Variants in PTK2 observed in about 807,000 individuals in gnomAD.
The protein encoded by PTK2 is protein tyrosine kinase 2.
PTK2 carries 45 observed loss-of-function variants against 150.1 expected under a neutral mutation model. The ratio of observed to expected loss-of-function variants is 0.30; its 90% CI spans 0.24 to 0.38. PTK2 has a LOEUF of 0.38. Ranked by LOEUF, PTK2 falls within the 10% of genes least tolerant of loss-of-function variation. PTK2 has a pLI of 1.00. For missense variants in PTK2, 919 were observed against 1,307.3 expected (o/e 0.70, Z 4.58); for synonymous variants, 432 against 449.2 (o/e 0.96, Z 0.48).
intron 4 of PTK2, among the ~76,000 whole-genome samples, chr8:140,872,072 T>C (rs2100142864): frequency 1.3e-5 from 2 of 152,072 alleles, no homozygotes; most frequent in African/African-American, 2.4e-5. Flanking sequence ...CCAGGTGTTG[T>C]GGCGTAAGGA....
chr8:140,676,392 T>TAATTAATTAATTAATTAATTAATA (rs2100013681), intron 27 of PTK2, among the ~76,000 whole-genome samples: 1 of 51,256 alleles, frequency 2.0e-5, no homozygotes, highest in African/African-American at 1.0e-4. Context: ...ATTAATTAAT[T>TAATTAATTAATTAATTAATTAATA]AATTAATTAA....
intron 10 of PTK2, among the ~76,000 whole-genome samples, chr8:140,814,982 G>A (rs564658249): frequency 1.4e-4 from 22 of 152,210 alleles, no homozygotes; most frequent in African/African-American, 5.1e-4. Flanking sequence ...CACCGTGTTA[G>A]CCAGGATGGT....
At chr8:140,738,540 A>G (rs2100053868) in intron 21 of PTK2, among the ~76,000 whole-genome samples, 1 of 152,210 alleles carries the variant, frequency 6.6e-6, no homozygotes, top group Admixed American at 6.5e-5. Context: ...TACAGAAGAC[A>G]AAGGATCAAA....
At chr8:140,999,072 G>T (rs547064209) in intron 1 of PTK2, among the ~76,000 whole-genome samples, 1 of 152,260 alleles carries the variant, frequency 6.6e-6, no homozygotes, top group South Asian at 2.1e-4. Context: ...CTTTCAATGG[G>T]CTTCCAGCCT....
chr8:140,780,699 C>T (rs188420434), intron 14 of PTK2, among the ~76,000 whole-genome samples: 31 of 152,246 alleles, frequency 2.0e-4, no homozygotes, highest in Middle Eastern at 3.4e-3. Context: ...GAAAATGGGA[C>T]AATCAGGGAT....
chr8:140,877,253 C>T (rs763448484), intron 4 of PTK2, among the ~76,000 whole-genome samples: 33 of 152,002 alleles, frequency 2.2e-4, no homozygotes, highest in Admixed American at 1.1e-3. Context: ...AGCCTGGTCT[C>T]GAACTCCTGA....
intron 1 of PTK2, among the ~76,000 whole-genome samples, chr8:140,942,047 A>G (rs1439298555): frequency 6.7e-6 from 1 of 150,086 alleles, no homozygotes; most frequent in Non-Finnish European, 1.5e-5. Flanking sequence ...GTGCCACCAC[A>G]CCTGGCTAAT....
intron 7 of PTK2, among the ~76,000 whole-genome samples, chr8:140,832,159 A>G (rs1462464785): frequency 1.3e-5 from 2 of 152,180 alleles, no homozygotes; most frequent in East Asian, 3.9e-4. Context: ...GCTTCGAGCG[A>G]TTCTCGTGCC....
chr8:140,832,462 A>T (rs1427651338), intron 7 of PTK2, among the ~76,000 whole-genome samples: 2 of 152,192 alleles, frequency 1.3e-5, no homozygotes, highest in African/African-American at 4.8e-5. Flanking sequence ...TCCTACTACC[A>T]TGCAGTGGTG....
At chr8:140,982,836 T>C (rs867696820) in intron 1 of PTK2, among the ~76,000 whole-genome samples, 16 of 152,230 alleles carry the variant, frequency 1.1e-4, no homozygotes, top group African/African-American at 3.9e-4. Flanking sequence ...ACAATACTTA[T>C]TAAATAATAA....
intron 14 of PTK2, among the ~76,000 whole-genome samples, chr8:140,778,004 T>C (rs962695891): frequency 1.3e-5 from 2 of 152,228 alleles, no homozygotes; most frequent in East Asian, 1.9e-4. Context: ...TTGACATTTG[T>C]TCTCTCATCT....
Position 140,762,360 on chromosome 8 carries a change from C to G in PTK2, c.1235-1098G>C, listed in dbSNP as rs1189312374. On this transcript the variant is annotated intron_variant, in intron 15 of 31. Coordinates refer to ENST00000522684, the Ensembl canonical transcript of PTK2. ...GCAAATGCAGTTAATTTAAAGGAAT[C>G]CTGTTACCTTCATCTATTCCATAGC... 2 of 1,177,186 alleles carry G rather than the reference C, an allele frequency of 1.7e-6. No homozygotes were observed. Among genetic ancestry groups the G allele is most frequent in the South Asian group, 3.3e-5 (2 of 59,786 alleles). 72.9% of individuals were successfully genotyped at this position (1,177,186 alleles called of 1,614,324 possible). A position where few individuals can be genotyped will look rare whatever the true frequency, so the allele number is the denominator to read the frequency against.
intron 1 of PTK2, among the ~76,000 whole-genome samples, chr8:140,954,539 ATAC>A (rs920827380): frequency 6.6e-6 from 1 of 152,206 alleles, no homozygotes; most frequent in Non-Finnish European, 1.5e-5. Flanking sequence ...AACCATTATT[ATAC>A]TACCTGTCTC....
At chr8:140,813,159 G>T (rs918666708) in intron 10 of PTK2, among the ~76,000 whole-genome samples, 1 of 152,106 alleles carries the variant, frequency 6.6e-6, no homozygotes, top group Non-Finnish European at 1.5e-5. Context: ...AAATGCAAAA[G>T]AACTGAAATC....
At chr8:140,941,743 T>C (rs767325898) in intron 1 of PTK2, among the ~76,000 whole-genome samples, 4 of 152,074 alleles carry the variant, frequency 2.6e-5, no homozygotes, top group Non-Finnish European at 5.9e-5. Flanking sequence ...CTCACTTTTG[T>C]CACCTACGCT....
chr8:140,697,853 T>TTTTTTTG, intron 26 of PTK2, among the ~76,000 whole-genome samples: 2 of 5,428 alleles, frequency 3.7e-4, no homozygotes, highest in African/African-American at 7.9e-4. Context: ...GGGTTTACTG[T>TTTTTTTG]TTTTTTTTTT....
intron 4 of PTK2, among the ~76,000 whole-genome samples, chr8:140,874,322 A>G (rs779443871): frequency 5.3e-5 from 8 of 152,250 alleles, no homozygotes; most frequent in Non-Finnish European, 7.3e-5. Flanking sequence ...AGATAGCACA[A>G]AAGAACAAGC....
intron 1 of PTK2, among the ~76,000 whole-genome samples, chr8:140,951,068 T>C (rs1304412959): frequency 6.6e-6 from 1 of 152,110 alleles, no homozygotes; most frequent in Admixed American, 6.6e-5. Context: ...GATGCTTGTA[T>C]TCACAAATAC....
At chr8:140,883,250 C>T (rs1440735701) in intron 3 of PTK2, among the ~76,000 whole-genome samples, 4 of 152,102 alleles carry the variant, frequency 2.6e-5, no homozygotes, top group Non-Finnish European at 5.9e-5. Context: ...ATGCTAGTGA[C>T]ACAATAACGG....
Sources: allele counts gnomAD v4.1 joint callset (sites outside exome capture counted in the v4.1 genomes callset), GRCh38; gene constraint gnomAD v4.1.1; transcripts MANE v1.5; gene names NCBI Gene and HGNC (gene_info 2026-07-23, HGNC 2026-07-21).